MAML2: variants seen among roughly 807,000 people sequenced by gnomAD.
The protein encoded by MAML2 is mastermind like transcriptional coactivator 2.
A neutral mutation model predicts 96.1 loss-of-function variants in MAML2; 22 were observed. The ratio of observed to expected loss-of-function variants is 0.23; its 90% CI spans 0.16 to 0.33. MAML2 has a LOEUF of 0.33. Ranked by LOEUF, MAML2 falls within the 10% of genes least tolerant of loss-of-function variation. MAML2 has a pLI of 1.00. For synonymous variants in MAML2, 561 were observed against 521.3 expected (o/e 1.08, Z -1.04); for missense variants, 1,367 against 1,392.4 (o/e 0.98, Z 0.29).
intron 1 of MAML2, among the ~76,000 whole-genome samples, chr11:96,300,498 C>T (rs1430130420): frequency 6.6e-6 from 1 of 152,052 alleles, no homozygotes; most frequent in Non-Finnish European, 1.5e-5. Context: ...TTTGAGGTAC[C>T]CTAGACTTCT....
At chr11:96,274,335 GC>G (rs1862957879) in intron 1 of MAML2, among the ~76,000 whole-genome samples, 1 of 151,924 alleles carries the variant, frequency 6.6e-6, no homozygotes, top group African/African-American at 2.4e-5. Flanking sequence ...GCCCACCTCG[GC>G]CTTCCAAAGT....
chr11:96,000,989 AT>A (rs1858070504), intron 2 of MAML2, among the ~76,000 whole-genome samples: 1 of 152,174 alleles, frequency 6.6e-6, no homozygotes, highest in African/African-American at 2.4e-5. Flanking sequence ...CCCCTTCACA[AT>A]TGTGAATAGT....
intron 1 of MAML2, among the ~76,000 whole-genome samples, chr11:96,146,906 T>A (rs1033275240): frequency 6.6e-6 from 1 of 152,180 alleles, no homozygotes; most frequent in African/African-American, 2.4e-5. Flanking sequence ...AGAAAAATGG[T>A]GCCAGACCAA....
intron 1 of MAML2, among the ~76,000 whole-genome samples, chr11:96,108,750 AG>A (rs1442661838): frequency 1.3e-5 from 2 of 152,202 alleles, no homozygotes; most frequent in Non-Finnish European, 2.9e-5. Flanking sequence ...AAGTGTAAGC[AG>A]GCTGGACACA....
intron 1 of MAML2, among the ~76,000 whole-genome samples, chr11:96,143,873 TG>T (rs1382374498): frequency 1.3e-5 from 2 of 152,164 alleles, no homozygotes; most frequent in Admixed American, 1.3e-4. Flanking sequence ...TAATTATAGC[TG>T]GGGGAACGTG....
intron 1 of MAML2, among the ~76,000 whole-genome samples, 179 bp from the exon 2 acceptor site, chr11:96,093,696 A>T (rs1026761819): frequency 1.3e-5 from 2 of 152,240 alleles, no homozygotes; most frequent in East Asian, 3.8e-4. Context: ...TAAAACTCTC[A>T]GTAGCACAAA....
chr11:96,015,489 T>A (rs1858331427), intron 2 of MAML2, among the ~76,000 whole-genome samples: 1 of 142,758 alleles, frequency 7.0e-6, no homozygotes, highest in Admixed American at 7.7e-5. Context: ...TATAAAAGAA[T>A]GAAGCTTCTG....
intron 1 of MAML2, among the ~76,000 whole-genome samples, chr11:96,120,936 A>T (rs191403204): frequency 2.5e-4 from 38 of 152,328 alleles, no homozygotes; most frequent in Non-Finnish European, 4.7e-4. Context: ...AAATCGCTCA[A>T]GGGATAGTGT....
At chr11:95,991,489 T>C in intron 3 of MAML2, 31 bp downstream of exon 3, 1 of 1,597,806 alleles carries the variant, frequency 6.3e-7, no homozygotes, top group Non-Finnish European at 8.6e-7. Flanking sequence ...GTCAACAGGT[T>C]TGTTCAGTAG....
At position 96,317,090 on chromosome 11, in the gene MAML2, C is replaced by T. The variant is rs555181439; in HGVS notation, c.513+24293G>A. Among the ~76,000 whole-genome samples, 17 of 152,266 alleles carry T rather than the reference C, an allele frequency of 1.1e-4. No homozygotes were observed. In the South Asian group the frequency reaches 2.5e-3, roughly 22 times the overall value. ...TTCAGGCCTGCATTCCACAGATGTT[C>T]CTCGGTGTCCTGTTCCTGCTTGCAT... On this transcript the variant is annotated intron_variant, in intron 1 of 4. Transcript: ENST00000524717.
chr11:96,159,357 T>C (rs1861063692), intron 1 of MAML2, among the ~76,000 whole-genome samples: 1 of 148,976 alleles, frequency 6.7e-6, no homozygotes. Flanking sequence ...CCTTACCCCA[T>C]CTCCTGTGAA....
chr11:96,179,576 A>G (rs1213013043), intron 1 of MAML2, among the ~76,000 whole-genome samples: 1 of 152,228 alleles, frequency 6.6e-6, no homozygotes, highest in African/African-American at 2.4e-5. Flanking sequence ...TGCAAAAGTC[A>G]GGATCCTGCT....
At chr11:96,212,108 A>AGT (rs72133828) in intron 1 of MAML2, among the ~76,000 whole-genome samples, 7,205 of 134,102 alleles carry the variant, frequency 0.054, 232 homozygotes, top group African/African-American at 0.096. Context: ...AGGAAGACAA[A>AGT]GTGTGTGTGT....
chr11:96,339,196 A>T (rs1232226413), intron 1 of MAML2, among the ~76,000 whole-genome samples: 1 of 152,192 alleles, frequency 6.6e-6, no homozygotes, highest in Non-Finnish European at 1.5e-5. Flanking sequence ...GTCTCAGGAG[A>T]TGGCTGGTGG....
rs182231110 is a variant in MAML2 at position 96,283,480 on chromosome 11, A to G, written c.513+57903T>C. On this transcript the variant is annotated intron_variant, in intron 1 of 4. Coordinates refer to ENST00000524717, the MANE Select transcript of MAML2 (RefSeq NM_032427.4). ...CAAAATGCAGGCTTTGTGTGCTACA[A>G]TCTTTTTCTCCAAAAGTGAAAATAA... Among the ~76,000 whole-genome samples the G allele has an allele frequency of 3.6e-3, 550 of 152,338 alleles. 3 individuals carry two copies. The highest frequency in any genetic ancestry group is 0.013 in the African/African-American group (521 of 41,578).
At chr11:96,119,740 C>G (rs1298195098) in intron 1 of MAML2, among the ~76,000 whole-genome samples, 1 of 152,130 alleles carries the variant, frequency 6.6e-6, no homozygotes, top group Admixed American at 6.6e-5. Context: ...ATTAACTATT[C>G]CTTCCCCACA....
chr11:96,085,283 C>G (rs755409083), intron 2 of MAML2, among the ~76,000 whole-genome samples: 1 of 152,126 alleles, frequency 6.6e-6, no homozygotes, highest in Non-Finnish European at 1.5e-5. Context: ...AACATTTGTA[C>G]GGTCTTCTGT....
intron 1 of MAML2, among the ~76,000 whole-genome samples, chr11:96,161,778 A>G (rs912863426): frequency 6.6e-6 from 1 of 152,188 alleles, no homozygotes; most frequent in African/African-American, 2.4e-5. Context: ...TCCACATTTT[A>G]CCTTCCAGAT....
chr11:96,279,105 A>C (rs1863029326), intron 1 of MAML2, among the ~76,000 whole-genome samples: 1 of 152,214 alleles, frequency 6.6e-6, no homozygotes, highest in Admixed American at 6.5e-5. Flanking sequence ...TGACATGAAG[A>C]CTACAAGAGA....
Sources: gnomAD v4.1 joint callset for allele counts (sites outside exome capture counted in the v4.1 genomes callset) on GRCh38, gnomAD v4.1.1 for gene constraint, MANE v1.5 for transcripts, NCBI Gene and HGNC (gene_info 2026-07-23, HGNC 2026-07-21) for gene names.